The following TTC28 variants were observed in gnomAD, a reference collection of about 807,000 sequenced individuals.
The protein encoded by TTC28 is tetratricopeptide repeat protein 28.
A neutral mutation model predicts 198.0 loss-of-function variants in TTC28; 61 were observed. The observed-to-expected ratio is 0.31, with a 90% confidence interval of 0.25 to 0.38. TTC28 has a LOEUF of 0.38. TTC28 is among the 10% of genes least tolerant of loss of function. The probability of loss-of-function intolerance (pLI) is 1.00; values close to 1 mark genes in which losing one functional copy is unlikely to be tolerated. For missense variants in TTC28, 2,678 were observed against 3,164.0 expected (o/e 0.85, Z 3.69); for synonymous variants, 1,171 against 1,297.8 (o/e 0.90, Z 2.10).
At chr22:28,677,863 G>A (rs1407031289) in intron 1 of TTC28, among the ~76,000 whole-genome samples, 5 of 151,938 alleles carry the variant, frequency 3.3e-5, no homozygotes, top group Non-Finnish European at 5.9e-5. Context: ...GCTTGAATTC[G>A]GGAGGTGGAG....
chr22:28,545,416 T>TA (rs1158272605), intron 2 of TTC28, among the ~76,000 whole-genome samples: 2 of 151,310 alleles, frequency 1.3e-5, no homozygotes, highest in African/African-American at 2.4e-5. Flanking sequence ...CAAAAAAAAT[T>TA]AAAAAAATAA....
At chr22:28,610,688 C>T (rs544748512) in intron 2 of TTC28, among the ~76,000 whole-genome samples, 126 of 152,250 alleles carry the variant, frequency 8.3e-4, no homozygotes, top group African/African-American at 2.9e-3. Context: ...CAACTCCTCA[C>T]CAGCAAGGGA....
chr22:28,551,738 A>C (rs1180220678), intron 2 of TTC28, among the ~76,000 whole-genome samples: 1 of 152,224 alleles, frequency 6.6e-6, no homozygotes, highest in Non-Finnish European at 1.5e-5. Flanking sequence ...TAATGTAATA[A>C]AAGCCATCTT....
rs907434970 is a variant in TTC28, at chr22:28,474,089, C to T, written c.381+155463G>A. Among the ~76,000 whole-genome samples, 7 of 152,150 alleles carry T rather than the reference C, an allele frequency of 4.6e-5. No individual in the cohort carries two copies. The East Asian group carries it at 1.2e-3, about 25-fold the overall frequency. Reference sequence around the variant, plus strand: ...CCAGTTAAACATGACAGATTAAACACGAATTTAGATCTTCTCTCTTCCAAA... The same window carrying T: ...CCAGTTAAACATGACAGATTAAACATGAATTTAGATCTTCTCTCTTCCAAA... On this transcript the variant is annotated intron_variant, in intron 2 of 22. Transcript: ENST00000397906.
intron 5 of TTC28, among the ~76,000 whole-genome samples, chr22:28,258,410 T>C (rs1931103511): frequency 6.6e-6 from 1 of 152,186 alleles, no homozygotes. Flanking sequence ...TTATCTCAAC[T>C]GTATTAGATT....
At chr22:28,291,335 C>T (rs1601588337) in intron 5 of TTC28, among the ~76,000 whole-genome samples, 2 of 152,054 alleles carry the variant, frequency 1.3e-5, no homozygotes, top group South Asian at 4.2e-4. Context: ...CACAGCAATG[C>T]CCAGAATCAG....
intron 2 of TTC28, among the ~76,000 whole-genome samples, chr22:28,622,536 G>C (rs1330202685): frequency 1.3e-5 from 2 of 151,554 alleles, no homozygotes; most frequent in African/African-American, 4.9e-5. Context: ...AGCATGAAAA[G>C]AATATCAGAG....
intron 2 of TTC28, among the ~76,000 whole-genome samples, chr22:28,367,781 GA>G (rs1445017228): frequency 6.6e-6 from 1 of 151,908 alleles, no homozygotes; most frequent in Non-Finnish European, 1.5e-5. Flanking sequence ...AGGCTGCTAT[GA>G]ACAACTATAT....
intron 2 of TTC28, among the ~76,000 whole-genome samples, chr22:28,438,656 A>G (rs895617365): frequency 1.3e-5 from 2 of 152,258 alleles, no homozygotes; most frequent in African/African-American, 4.8e-5. Context: ...GTGTTATCTG[A>G]TACTAATCCT....
intron 5 of TTC28, among the ~76,000 whole-genome samples, chr22:28,243,829 C>G (rs1428200381): frequency 1.3e-5 from 2 of 152,076 alleles, no homozygotes; most frequent in African/African-American, 4.8e-5. Flanking sequence ...ATAGCTGTCC[C>G]CCAACTTCCT....
rs2045411477 is a variant in TTC28, at chr22:28,319,580, CAGG to C, written c.382-12940_382-12938del. 2.6e-5 allele frequency among the ~76,000 whole-genome samples: 4 copies of C among 152,094 alleles called. No individual in the cohort carries two copies. In the South Asian group the frequency reaches 8.3e-4, roughly 32 times the overall value. On this transcript the variant is annotated intron_variant, in intron 2 of 22. Coordinates refer to ENST00000397906, the MANE Select transcript of TTC28 (RefSeq NM_001145418.2). The stretch of plus-strand genomic sequence containing the variant: ...GGGGGAGGTTATACATGTATGAGGA[CAGG>C]AGTATATGGAAACTCTACTGTCTGC...
intron 5 of TTC28, among the ~76,000 whole-genome samples, chr22:28,246,635 C>A (rs1201077901): frequency 6.6e-6 from 1 of 152,156 alleles, no homozygotes; most frequent in Non-Finnish European, 1.5e-5. Context: ...TCATACCAAC[C>A]TAATGACAAA....
At chr22:28,557,331 T>C (rs35230579) in intron 2 of TTC28, among the ~76,000 whole-genome samples, 7,689 of 152,292 alleles carry the variant, frequency 0.05, 291 homozygotes, top group African/African-American at 0.1. Flanking sequence ...CCATTTCTCC[T>C]AACCTCTCTG....
chr22:28,051,588 G>C lies in TTC28; in HGVS notation c.3933-21222C>G, dbSNP rs575723784. On this transcript the variant is annotated intron_variant, in intron 12 of 22. Transcript: ENST00000397906. ...GAGATAGAGCACTGTACAGAAAGCTGCTGGCTGATGTCGTTCCTGTCTTTT... is the reference window on the plus strand; with the variant it reads ...GAGATAGAGCACTGTACAGAAAGCTCCTGGCTGATGTCGTTCCTGTCTTTT... 5.9e-5 allele frequency among the ~76,000 whole-genome samples: 9 copies of C among 152,192 alleles called. No homozygotes were observed. In the East Asian group the frequency reaches 1.4e-3, roughly 23 times the overall value.
chr22:27,982,857 T>C lies in TTC28; in HGVS notation c.6810A>G (p.Pro2270=). The C allele has an allele frequency of 1.9e-6, 3 of 1,545,806 alleles. No homozygotes were observed. Among genetic ancestry groups the C allele is most frequent in the Non-Finnish European group, 2.6e-6 (3 of 1,143,188 alleles). The part of the protein sequence containing the change: ...KDSPSQHSGR[P]SPGCDSQTSQ... ...AAGTCTGTGAGTCGCAGCCGGGCGA[T>C]GGCCGGCCACTGTGCTGGCTCGGGC... is the stretch of plus-strand genomic sequence containing the variant. Residue 2270 remains proline, a synonymous_variant, in exon 23 of 23, where the codon CCA becomes CCG. Coordinates refer to ENST00000397906, the MANE Select transcript of TTC28 (RefSeq NM_001145418.2). This position sits in a 1 kb window ranked among gnomAD's most constrained non-coding sequence, Gnocchi z 5.2.
At chr22:28,223,254 T>C (rs905103495) in intron 5 of TTC28, among the ~76,000 whole-genome samples, 2 of 152,148 alleles carry the variant, frequency 1.3e-5, no homozygotes, top group Admixed American at 6.5e-5. Flanking sequence ...CTTACTGCAA[T>C]AGGCTCCTTC....
rs1043625349 is a variant in TTC28 at position 28,129,479 on chromosome 22, G to A, written c.1442-21076C>T. Among the ~76,000 whole-genome samples, 9 of 152,278 alleles carry A rather than the reference G, an allele frequency of 5.9e-5. No individual in the cohort carries two copies. In the South Asian group the frequency reaches 1.2e-3, roughly 21 times the overall value. On this transcript the variant is annotated intron_variant, in intron 6 of 22. Transcript: ENST00000397906. ...CACTTGCAAAGAGCAGGAGCTTGGC[G>A]GTCAAGGATTTAATCTGGCTCTGGC... is the stretch of plus-strand genomic sequence containing the variant.
At chr22:28,110,306 T>G (rs1047957058) in intron 6 of TTC28, among the ~76,000 whole-genome samples, 1 of 152,176 alleles carries the variant, frequency 6.6e-6, no homozygotes, top group Non-Finnish European at 1.5e-5. Context: ...GTAAATCATT[T>G]AGGTTTTTGA....
At chr22:28,400,379 T>C (rs1253070452) in intron 2 of TTC28, among the ~76,000 whole-genome samples, 1 of 152,232 alleles carries the variant, frequency 6.6e-6, no homozygotes, top group East Asian at 1.9e-4. Context: ...TACAAATACA[T>C]ATTCACCAAG....
Sources: gnomAD v4.1 joint callset for allele counts (sites outside exome capture counted in the v4.1 genomes callset) on GRCh38, gnomAD v4.1.1 for gene constraint, Gnocchi (gnomAD v3.1) non-coding constraint, MANE v1.5 for transcripts, NCBI Gene and HGNC (gene_info 2026-07-23, HGNC 2026-07-21) for gene names.